The following CCDC7 variants were observed in gnomAD, a reference collection of about 807,000 sequenced individuals.
CCDC7 encodes the protein coiled-coil domain containing 7, also known as coiled-coil domain-containing protein 7.
CCDC7 carries 183 observed loss-of-function variants against 196.9 expected under a neutral mutation model. The observed-to-expected ratio is 0.93, with a 90% CI of 0.82 to 1.05. The LOEUF (loss-of-function observed/expected upper bound fraction) is 1.05. Ranked by LOEUF, CCDC7 falls within the 50% of genes least tolerant of loss-of-function variation. The pLI, the probability that CCDC7 is intolerant of heterozygous loss-of-function variation, is 0.00. For synonymous variants in CCDC7, 525 were observed against 484.6 expected, an observed-to-expected ratio of 1.08 and a Z score of -1.10; for missense variants, 1,540 against 1,482.2, an observed-to-expected ratio of 1.04 and a Z score of -0.64.
At chr10:32,827,943 T>C (rs2091395981) in intron 32 of CCDC7, among the ~76,000 whole-genome samples, 1 of 152,138 alleles carries the variant, frequency 6.6e-6, no homozygotes, top group Non-Finnish European at 1.5e-5. Flanking sequence ...ATTAACTAAG[T>C]GCTTGCCATC....
chr10:32,593,608 C>T (rs984907098), intron 18 of CCDC7, among the ~76,000 whole-genome samples: 13 of 152,208 alleles, frequency 8.5e-5, no homozygotes, highest in African/African-American at 3.1e-4. Flanking sequence ...GTGTTTTACA[C>T]ATGAAGTCCT....
chr10:32,796,553 T>G (rs1463490990), intron 29 of CCDC7, among the ~76,000 whole-genome samples: 1 of 152,196 alleles, frequency 6.6e-6, no homozygotes, highest in East Asian at 1.9e-4. Context: ...GATTTAGCAA[T>G]GTAGTTTCCT....
Position 32,583,326 on chromosome 10 carries a change from C to G in CCDC7, c.1728+19C>G, listed in dbSNP as rs1313849352. On this transcript the variant is annotated intron_variant, in intron 17 of 41. Transcript: ENST00000639629. Reference sequence around the variant, plus strand: ...TAAAAAGGTATGATATATATAGAAACTTGAAAGCTGTTTATTTCATATTGC... The same window carrying G: ...TAAAAAGGTATGATATATATAGAAAGTTGAAAGCTGTTTATTTCATATTGC... 2.1e-5 allele frequency: 25 copies of G among 1,213,470 alleles called. 1 individual carries two copies. The East Asian group carries it at 8.0e-4, about 39-fold the overall frequency. The allele number at this position is 1,213,470 out of a possible 1,614,324, so 75.2% of individuals were successfully genotyped here. A position where few individuals can be genotyped will look rare whatever the true frequency, so the allele number is the denominator to read the frequency against.
At chr10:32,676,683 C>T (rs1164522439) in intron 21 of CCDC7, among the ~76,000 whole-genome samples, 2 of 151,956 alleles carry the variant, frequency 1.3e-5, no homozygotes, top group South Asian at 2.1e-4. Flanking sequence ...CCATCTCACA[C>T]CAGTTAGAAT....
chr10:32,862,559 A>C (rs2094040388), intron 41 of CCDC7, among the ~76,000 whole-genome samples: 1 of 148,496 alleles, frequency 6.7e-6, no homozygotes, highest in African/African-American at 2.4e-5. Flanking sequence ...AGGTATAATA[A>C]TAAAAAAAAA....
intron 9 of CCDC7, chr10:32,511,324 A>C (rs1226475475): frequency 2.5e-5 from 38 of 1,516,890 alleles, no homozygotes; most frequent in Non-Finnish European, 3.2e-5. Flanking sequence ...GTTAACTTTT[A>C]CTTTTTCCTT....
At chr10:32,766,501 C>T (rs759108124) in intron 28 of CCDC7, among the ~76,000 whole-genome samples, 7 of 152,072 alleles carry the variant, frequency 4.6e-5, no homozygotes, top group African/African-American at 1.2e-4. Flanking sequence ...TCAGAGCCTT[C>T]GGCAAGTTCC....
At chr10:32,706,996 A>T (rs1368277842) in intron 24 of CCDC7, among the ~76,000 whole-genome samples, 1 of 152,204 alleles carries the variant, frequency 6.6e-6, no homozygotes, top group Non-Finnish European at 1.5e-5. Context: ...CTGATACCAA[A>T]GCCTGGCAGA....
intron 24 of CCDC7, among the ~76,000 whole-genome samples, chr10:32,707,542 C>T (rs1477897718): frequency 1.3e-5 from 2 of 152,174 alleles, no homozygotes; most frequent in African/African-American, 2.4e-5. Flanking sequence ...TCCCTGTTTG[C>T]AGATGACATG....
intron 20 of CCDC7, among the ~76,000 whole-genome samples, chr10:32,663,266 A>G (rs1268688157): frequency 2.0e-5 from 3 of 152,134 alleles, no homozygotes; most frequent in African/African-American, 7.2e-5. Context: ...GACTCTACAT[A>G]CTTTTTCATC....
At chr10:32,802,129 C>A (rs1011381781) in intron 29 of CCDC7, among the ~76,000 whole-genome samples, 1 of 152,114 alleles carries the variant, frequency 6.6e-6, no homozygotes, top group African/African-American at 2.4e-5. Context: ...TCACTTAGGG[C>A]AACCTTAGAA....
At chr10:32,586,725 T>G (rs1257400788) in intron 18 of CCDC7, among the ~76,000 whole-genome samples, 1 of 152,166 alleles carries the variant, frequency 6.6e-6, no homozygotes, top group Non-Finnish European at 1.5e-5. Flanking sequence ...TTCTGTTCCA[T>G]TGGTCTATGT....
intron 21 of CCDC7, among the ~76,000 whole-genome samples, chr10:32,673,977 TTTTA>T (rs1432320768): frequency 6.6e-6 from 1 of 151,974 alleles, no homozygotes; most frequent in African/African-American, 2.4e-5. Context: ...TTTCATCTAG[TTTTA>T]TTTATTTGAG....
intron 23 of CCDC7, among the ~76,000 whole-genome samples, chr10:32,692,576 A>T (rs180766039): frequency 5.9e-5 from 9 of 152,220 alleles, no homozygotes; most frequent in African/African-American, 1.7e-4. Flanking sequence ...GCTCACTAGT[A>T]CCTACCAAAG....
rs991085521 is a variant in CCDC7, at chr10:32,699,826, C to G, written c.2458+4834C>G. Among the ~76,000 whole-genome samples the G allele has an allele frequency of 2.1e-3, 308 of 149,596 alleles. 3 individuals are homozygous for G. The highest frequency in any genetic ancestry group is 0.01 in the Middle Eastern group (3 of 292). ...CCAGTGATGATGAGCATTTTTTCATCTGTCTGTTGACTGCATAAATGTCTT... is the reference window on the plus strand; with the variant it reads ...CCAGTGATGATGAGCATTTTTTCATGTGTCTGTTGACTGCATAAATGTCTT... On this transcript the variant is annotated intron_variant, in intron 24 of 41. Coordinates refer to ENST00000639629, the Ensembl canonical transcript of CCDC7.
At chr10:32,590,630 T>C (rs2059697780) in intron 18 of CCDC7, among the ~76,000 whole-genome samples, 1 of 152,182 alleles carries the variant, frequency 6.6e-6, no homozygotes, top group African/African-American at 2.4e-5. Context: ...TTCTTTCAGA[T>C]TGAAGAACTC....
intron 23 of CCDC7, among the ~76,000 whole-genome samples, chr10:32,689,367 GT>G (rs1472225506): frequency 1.3e-5 from 2 of 152,158 alleles, no homozygotes; most frequent in Non-Finnish European, 2.9e-5. Flanking sequence ...AGGACACACA[GT>G]ATCCCCCAAG....
At chr10:32,774,899 A>G (rs1468582678) in intron 28 of CCDC7, among the ~76,000 whole-genome samples, 1 of 152,202 alleles carries the variant, frequency 6.6e-6, no homozygotes, top group Admixed American at 6.5e-5. Flanking sequence ...GATTCTGTCC[A>G]GGTTTGGTAT....
chr10:32,623,960 A>C (rs1590745789), intron 18 of CCDC7: 1 of 276,908 alleles, frequency 3.6e-6, no homozygotes, highest in Non-Finnish European at 7.4e-6. Context: ...TAATCCAAAC[A>C]CCTCCCACCG....
Sources: gnomAD v4.1 joint callset for allele counts (sites outside exome capture counted in the v4.1 genomes callset) on GRCh38, gnomAD v4.1.1 for gene constraint, MANE v1.5 for transcripts, NCBI Gene and HGNC (gene_info 2026-07-23, HGNC 2026-07-21) for gene names.